The following ADAMTSL3 variants were observed in gnomAD, a reference collection of about 807,000 sequenced individuals.
ADAMTSL3 encodes the protein ADAMTS-like protein 3.
ADAMTSL3 carries 128 observed loss-of-function variants against 201.7 expected under a neutral mutation model. The ratio of observed to expected loss-of-function variants is 0.63; its 90% CI spans 0.55 to 0.73. The LOEUF is 0.73. Ranked by LOEUF, ADAMTSL3 falls within the 30% of genes least tolerant of loss-of-function variation. The probability of loss-of-function intolerance (pLI) is 0.00; values close to 1 mark genes in which losing one functional copy is unlikely to be tolerated. For missense variants in ADAMTSL3, 1,990 were observed against 2,119.6 expected, an observed-to-expected ratio of 0.94 and a Z score of 1.20; for synonymous variants, 738 against 748.4, an observed-to-expected ratio of 0.99 and a Z score of 0.23.
rs748853631 is a variant in ADAMTSL3, at chr15:83,982,800, G to T, written c.3172G>T (p.Ala1058Ser). The change falls in exon 21 of 30, where the codon GCT becomes TCT. Residue 1058 changes from alanine to serine, a missense_variant. Transcript: ENST00000286744. ...CATTAGTAACCAGCCTTTCTTGAGA[G>T]CTCTGTTAGGCCACTGCAGCAATTC... The part of the protein sequence containing the change: ...DHISNQPFLR[A>S]LLGHCSNSAG... 1.9e-6 allele frequency: 3 copies of T among 1,613,990 alleles called. No individual in the cohort carries two copies. Among genetic ancestry groups the T allele is most frequent in the Non-Finnish European group, 2.5e-6 (3 of 1,180,038 alleles).
At chr15:83,875,785 A>G (rs2065165926) in intron 9 of ADAMTSL3, among the ~76,000 whole-genome samples, 2 of 152,128 alleles carry the variant, frequency 1.3e-5, no homozygotes, top group South Asian at 4.1e-4. Flanking sequence ...TCATCTCAAA[A>G]AATAAAATAA....
chr15:83,836,025 G>A (rs1486566216), intron 6 of ADAMTSL3, among the ~76,000 whole-genome samples: 1 of 152,164 alleles, frequency 6.6e-6, no homozygotes, highest in Non-Finnish European at 1.5e-5. Flanking sequence ...TTGCTCTGAA[G>A]ATTAAATGAA....
intron 3 of ADAMTSL3, among the ~76,000 whole-genome samples, chr15:83,751,615 T>C (rs9920704): frequency 0.15 from 22,613 of 152,106 alleles, 2,279 homozygotes; most frequent in African/African-American, 0.27. Context: ...GGAAATTCGA[T>C]GTATATGGTA....
intron 9 of ADAMTSL3, among the ~76,000 whole-genome samples, chr15:83,873,191 C>T (rs1301234985): frequency 6.9e-6 from 1 of 144,426 alleles, no homozygotes; most frequent in Non-Finnish European, 1.5e-5. Flanking sequence ...GTAATCCCAG[C>T]CACTCAGGGG....
At chr15:84,002,444 A>G (rs2067807225) in intron 23 of ADAMTSL3, among the ~76,000 whole-genome samples, 1 of 152,120 alleles carries the variant, frequency 6.6e-6, no homozygotes, top group African/African-American at 2.4e-5. Context: ...CTCCACAGTC[A>G]CTCAGCCCCA....
At chr15:83,757,338 A>T (rs2062737564) in intron 3 of ADAMTSL3, among the ~76,000 whole-genome samples, 1 of 152,226 alleles carries the variant, frequency 6.6e-6, no homozygotes, top group Non-Finnish European at 1.5e-5. Context: ...CTGCACCCAC[A>T]GGCTCAACAC....
intron 23 of ADAMTSL3, among the ~76,000 whole-genome samples, chr15:84,010,882 T>G (rs758175875): frequency 1.3e-5 from 2 of 152,194 alleles, no homozygotes; most frequent in Non-Finnish European, 2.9e-5. Flanking sequence ...CACTCTATGT[T>G]CCTCCTTGCA....
intron 19 of ADAMTSL3, among the ~76,000 whole-genome samples, chr15:83,944,174 C>T (rs1315871088): frequency 2.0e-5 from 3 of 152,136 alleles, no homozygotes; most frequent in Admixed American, 6.5e-5. Context: ...CTGTGGAAAG[C>T]GAAACCGTGG....
chr15:83,938,470 T>C (rs1013599328), intron 17 of ADAMTSL3, among the ~76,000 whole-genome samples: 1 of 152,340 alleles, frequency 6.6e-6, no homozygotes, highest in Non-Finnish European at 1.5e-5. Flanking sequence ...AGGAGGAGCA[T>C]TGCTACCCTT....
intron 21 of ADAMTSL3, among the ~76,000 whole-genome samples, chr15:83,985,726 C>T (rs1332483083): frequency 2.6e-5 from 4 of 152,008 alleles, no homozygotes; most frequent in Admixed American, 6.6e-5. Flanking sequence ...TCTGCCTCCT[C>T]GTTTCAAGTG....
At chr15:83,978,469 T>A (rs2067326885) in intron 20 of ADAMTSL3, among the ~76,000 whole-genome samples, 1 of 152,206 alleles carries the variant, frequency 6.6e-6, no homozygotes. Context: ...ACCTGGCCAC[T>A]GTCTGCAGAG....
chr15:84,033,480 T>C (rs1440001502), intron 28 of ADAMTSL3, among the ~76,000 whole-genome samples: 4 of 152,002 alleles, frequency 2.6e-5, no homozygotes, highest in Admixed American at 2.6e-4. Context: ...GCCAACATAG[T>C]GAAACCCTGT....
At chr15:83,862,210 G>C (rs531710328) in intron 8 of ADAMTSL3, 1 of 152,324 alleles carries the variant, frequency 6.6e-6, no homozygotes, top group African/African-American at 2.4e-5. Flanking sequence ...GTATTATCCA[G>C]GTGAACTTCC....
chr15:83,903,944 A>G (rs1567226116), intron 15 of ADAMTSL3, among the ~76,000 whole-genome samples: 8,693 of 52,348 alleles, frequency 0.17, 2,288 homozygotes, highest in African/African-American at 0.25. Flanking sequence ...AAAAAAAAAA[A>G]GAAAAAAGAA....
At chr15:83,892,957 C>A in intron 13 of ADAMTSL3, 69 bp downstream of exon 13, 1 of 1,458,096 alleles carries the variant, frequency 6.9e-7, no homozygotes, top group Non-Finnish European at 9.5e-7. Flanking sequence ...ATATGCCCAC[C>A]ATGGTGCTAG....
intron 3 of ADAMTSL3, among the ~76,000 whole-genome samples, chr15:83,748,592 A>G (rs1310060463): frequency 1.4e-5 from 2 of 147,130 alleles, no homozygotes; most frequent in East Asian, 2.1e-4. Context: ...CAGGGCTGCA[A>G]TGAACTGAGA....
At chr15:83,891,283 T>G (rs1179753709) in intron 11 of ADAMTSL3, 46 bp from the exon 12 acceptor site, 16 of 1,419,674 alleles carry the variant, frequency 1.1e-5, no homozygotes, top group Non-Finnish European at 1.5e-5. Flanking sequence ...AATGAATGTG[T>G]TAATTTATTA....
chr15:83,873,227 C>G (rs1399411683), intron 9 of ADAMTSL3, among the ~76,000 whole-genome samples: 1 of 144,740 alleles, frequency 6.9e-6, no homozygotes, highest in Non-Finnish European at 1.5e-5. Flanking sequence ...TTACTCCAAC[C>G]CAGGAGGCAG....
chr15:83,895,154 G>A (rs2065586819), intron 13 of ADAMTSL3, among the ~76,000 whole-genome samples: 1 of 152,310 alleles, frequency 6.6e-6, no homozygotes, highest in Non-Finnish European at 1.5e-5. Context: ...TGAGTTACGT[G>A]CCAGAATTCA....
Sources: gnomAD v4.1 joint callset for allele counts (sites outside exome capture counted in the v4.1 genomes callset) on GRCh38, gnomAD v4.1.1 for gene constraint, MANE v1.5 for transcripts, NCBI Gene and HGNC (gene_info 2026-07-23, HGNC 2026-07-21) for gene names.